The following FRZB variants were observed in gnomAD, a reference collection of about 807,000 sequenced individuals.
FRZB encodes the protein secreted frizzled-related protein 3.
FRZB carries 34 observed loss-of-function variants against 32.5 expected under a neutral mutation model. That is an observed-to-expected ratio of 1.05 (90% CI 0.80 to 1.39). The LOEUF (loss-of-function observed/expected upper bound fraction) is 1.39. Among genes scored for constraint, FRZB ranks in the 40% most tolerant of loss-of-function variants. The pLI is 0.00. For synonymous variants in FRZB, 170 were observed against 159.2 expected, an observed-to-expected ratio of 1.07 and a Z score of -0.51; for missense variants, 423 against 424.8, an observed-to-expected ratio of 1.00 and a Z score of 0.04.
intron 3 of FRZB, among the ~76,000 whole-genome samples, chr2:182,841,613 A>G (rs1025519274): frequency 1.3e-5 from 2 of 152,166 alleles, no homozygotes; most frequent in Admixed American, 1.3e-4. Flanking sequence ...AATACAGTAA[A>G]TATCAGTCCC....
chr2:182,848,223 GT>G (rs1289517979), intron 2 of FRZB, among the ~76,000 whole-genome samples: 1 of 152,202 alleles, frequency 6.6e-6, no homozygotes, highest in Admixed American at 6.5e-5. Context: ...GCTCATGGAA[GT>G]GAGTGGCTGG....
At chr2:182,840,573 A>T (rs1695576575) in intron 3 of FRZB, among the ~76,000 whole-genome samples, 1 of 152,024 alleles carries the variant, frequency 6.6e-6, no homozygotes, top group African/African-American at 2.4e-5. Context: ...GCAGATATAG[A>T]AGATAAAAAT....
intron 5 of FRZB, among the ~76,000 whole-genome samples, chr2:182,837,689 G>A (rs543856841): frequency 1.3e-5 from 2 of 152,068 alleles, no homozygotes; most frequent in East Asian, 3.9e-4. Context: ...ACCAGGACTG[G>A]ACTACAGCTA....
At chr2:182,836,927 G>T (rs1421251662) in intron 5 of FRZB, among the ~76,000 whole-genome samples, 1 of 151,960 alleles carries the variant, frequency 6.6e-6, no homozygotes, top group Non-Finnish European at 1.5e-5. Flanking sequence ...ATTTTTGTAG[G>T]TCACTTAAAC....
intron 2 of FRZB, among the ~76,000 whole-genome samples, chr2:182,851,746 A>C (rs764465701): frequency 6.6e-6 from 1 of 152,210 alleles, no homozygotes; most frequent in Non-Finnish European, 1.5e-5. Context: ...ACCCAGGTAG[A>C]AGTGTTACAG....
At chr2:182,843,591 G>A (rs1292832036) in intron 2 of FRZB, among the ~76,000 whole-genome samples, 1 of 152,118 alleles carries the variant, frequency 6.6e-6, no homozygotes, top group Non-Finnish European at 1.5e-5. Context: ...ACATAAATTA[G>A]AGAAAGGACA....
At chr2:182,857,088 A>G (rs1339412773) in intron 2 of FRZB, among the ~76,000 whole-genome samples, 3 of 152,218 alleles carry the variant, frequency 2.0e-5, no homozygotes, top group African/African-American at 7.2e-5. Flanking sequence ...ATCTAAAAGA[A>G]CTGAAATCAC....
chr2:182,857,863 C>T (rs1040390866), intron 2 of FRZB, among the ~76,000 whole-genome samples: 2 of 151,850 alleles, frequency 1.3e-5, no homozygotes, highest in Non-Finnish European at 2.9e-5. Context: ...AACATTTTAC[C>T]AAAAAGCATA....
chr2:182,858,717 A>C (rs1695798038), intron 2 of FRZB, 69 bp downstream of exon 2: 6 of 1,154,778 alleles, frequency 5.2e-6, no homozygotes, highest in Non-Finnish European at 7.6e-6. Flanking sequence ...TGAATGACTT[A>C]AGTATCTAAA....
chr2:182,838,688 G>T (rs372841486), intron 3 of FRZB, 75 bp from the exon 4 acceptor site: 2 of 1,204,300 alleles, frequency 1.7e-6, no homozygotes, highest in African/African-American at 3.0e-5. Flanking sequence ...AGCCAAAGTA[G>T]GCTTCTCTTT....
At position 182,866,166 on chromosome 2, in the gene FRZB, C is replaced by CTTGAT; in HGVS notation, c.386_387insATCAA (p.Trp130SerfsTer79). On this transcript the variant is annotated frameshift_variant, in exon 1 of 6. Transcript: ENST00000295113. LOFTEE classifies it high-confidence loss of function. The surrounding 1 kb of genome is among the most constrained non-coding windows in gnomAD (Gnocchi z 4.5). Reference sequence around the variant, plus strand: ...CCTCGCAGGCCAGGTTCTCCGGCCACGAGTGGCGGTACTTGATGAGTATGG... The same window carrying CTTGAT: ...CCTCGCAGGCCAGGTTCTCCGGCCACTTGATGAGTGGCGGTACTTGATGAGTATGG... 6.2e-7 allele frequency: 1 copy of CTTGAT among 1,614,102 alleles called. No homozygotes were observed. Among genetic ancestry groups the CTTGAT allele is most frequent in the Non-Finnish European group, 8.5e-7 (1 of 1,179,988 alleles).
chr2:182,850,739 C>G (rs1187032992), intron 2 of FRZB, among the ~76,000 whole-genome samples: 1 of 152,128 alleles, frequency 6.6e-6, no homozygotes, highest in Non-Finnish European at 1.5e-5. Context: ...TGGATATATA[C>G]CCAGTAATAA....
rs1245142336 is a variant in FRZB at position 182,838,412 on chromosome 2, G to C, written c.794C>G (p.Ser265Cys). 2 of 1,608,178 alleles carry C rather than the reference G, an allele frequency of 1.2e-6. No individual in the cohort carries two copies. The highest frequency in any genetic ancestry group is 1.7e-6 in the Non-Finnish European group (2 of 1,175,208). The change falls in exon 4 of 6, where the codon TCC becomes TGC. Residue 265 changes from serine (S) to cysteine (C), a missense_variant. Ser to Cys is a moderately radical substitution (Grantham distance 112). Transcript: ENST00000295113. ...GTATCCTTAAAGAGTGAATTACCTGGAACGTTCCTCATCTTCATAGCCCAT... is the reference window on the plus strand; with the variant it reads ...GTATCCTTAAAGAGTGAATTACCTGCAACGTTCCTCATCTTCATAGCCCAT... Reference protein sequence around the residue: ...IIMGYEDEERSRLLLVEGSIA... With the variant: ...IIMGYEDEERCRLLLVEGSIA...
At chr2:182,849,294 T>G (rs1014570019) in intron 2 of FRZB, among the ~76,000 whole-genome samples, 1 of 151,906 alleles carries the variant, frequency 6.6e-6, no homozygotes, top group East Asian at 1.9e-4. Context: ...TTTATCTTGA[T>G]CTGGATGATG....
chr2:182,865,648 A>G (rs1391446013), intron 1 of FRZB, among the ~76,000 whole-genome samples: 1 of 152,250 alleles, frequency 6.6e-6, no homozygotes, highest in Non-Finnish European at 1.5e-5. Context: ...CTAAAGATAC[A>G]GAAACCTGAT....
chr2:182,834,693 A>G lies in FRZB; in HGVS notation c.*156T>C, dbSNP rs1695503958. On this transcript the variant is annotated 3_prime_UTR_variant, in exon 6 of 6. Transcript: ENST00000295113. ...GGGTTGAGAGAAGAGAGAAGCAGAA[A>G]CCAAAAGAGAAACAGAAGTAATAAT... The G allele has an allele frequency of 1.5e-6, 1 of 647,302 alleles. No individual in the cohort carries two copies. The allele number at this position is 647,302 out of a possible 1,614,324, so 40.1% of individuals were successfully genotyped here. A position where few individuals can be genotyped will look rare whatever the true frequency, so the allele number is the denominator to read the frequency against.
rs1486408933 is a variant in FRZB at position 182,838,500 on chromosome 2, T to A, written c.706A>T (p.Asn236Tyr). The A allele has an allele frequency of 6.2e-7, 1 of 1,613,026 alleles. No individual in the cohort carries two copies. Among genetic ancestry groups the A allele is most frequent in the East Asian group, 2.2e-5 (1 of 44,854 alleles). ...SLVNIPRDTV[N>Y]LYTSSGCLCP... ...AGGCAGCCAGAGCTGGTATAGAGGT[T>A]GACAGTGTCCCGTGGAATGTTTACC... Residue 236 changes from asparagine (N) to tyrosine (Y), a missense_variant, in exon 4 of 6, where the codon AAC becomes TAC. Physicochemically the swap from Asn to Tyr is moderately radical, Grantham distance 143. Transcript: ENST00000295113.
At position 182,866,491 on chromosome 2, in the gene FRZB, G is replaced by A. The variant is rs201732491; in HGVS notation, c.62C>T (p.Ala21Val). The change falls in exon 1 of 6, where the codon GCT becomes GTT. Residue 21 changes from alanine to valine, a missense_variant. Coordinates refer to ENST00000295113, the MANE Select transcript of FRZB (RefSeq NM_001463.4). This position sits in a 1 kb window ranked among gnomAD's most constrained non-coding sequence, Gnocchi z 4.5. ...LLRAGLLALA[A>V]LCLLRVPGAR... ...CCCGGGCACCCGGAGCAGGCAGAGA[G>A]CAGCCAGGGCAAGCAGCCCGGCCCG... is the stretch of plus-strand genomic sequence containing the variant. 111 of 1,535,010 alleles carry A rather than the reference G, an allele frequency of 7.2e-5. No homozygotes were observed. The highest frequency in any genetic ancestry group is 9.1e-5 in the Non-Finnish European group (104 of 1,140,736).
At chr2:182,850,560 C>CT (rs137897189) in intron 2 of FRZB, among the ~76,000 whole-genome samples, 15,401 of 152,220 alleles carry the variant, frequency 0.1, 881 homozygotes, top group Non-Finnish European at 0.12. Flanking sequence ...CAGGATTTCA[C>CT]TTTTTTTAAT....
Sources: allele counts gnomAD v4.1 joint callset (sites outside exome capture counted in the v4.1 genomes callset), GRCh38; gene constraint gnomAD v4.1.1; non-coding constraint Gnocchi (gnomAD v3.1); transcripts MANE v1.5; gene names NCBI Gene and HGNC (gene_info 2026-07-23, HGNC 2026-07-21).